The following ASIC2 variants were observed in gnomAD, a reference collection of about 807,000 sequenced individuals.
The protein encoded by ASIC2 is acid sensing ion channel subunit 2.
ASIC2 carries 25 observed loss-of-function variants against 57.3 expected under a neutral mutation model. The ratio of observed to expected loss-of-function variants is 0.44; its 90% CI spans 0.32 to 0.61. The LOEUF (loss-of-function observed/expected upper bound fraction) is 0.61. Ranked by LOEUF, ASIC2 falls within the 20% of genes least tolerant of loss-of-function variation. ASIC2 has a pLI of 0.06. For missense variants in ASIC2, 641 were observed against 738.1 expected (o/e 0.87, Z 1.52); for synonymous variants, 319 against 307.5 (o/e 1.04, Z -0.39).
chr17:33,930,892 GATTT>G (rs987182709), intron 1 of ASIC2, among the ~76,000 whole-genome samples: 13 of 151,844 alleles, frequency 8.6e-5, no homozygotes, highest in African/African-American at 2.4e-4. Context: ...GCCTAGTGCA[GATTT>G]ATTTATTTGT....
intron 1 of ASIC2, among the ~76,000 whole-genome samples, chr17:33,128,016 C>T (rs550411172): frequency 4.6e-5 from 7 of 152,358 alleles, no homozygotes; most frequent in Admixed American, 4.6e-4. Flanking sequence ...TACTTCATAA[C>T]TCTGTGCTTT....
At chr17:33,246,580 C>T (rs1021886825) in intron 1 of ASIC2, among the ~76,000 whole-genome samples, 3 of 152,182 alleles carry the variant, frequency 2.0e-5, no homozygotes, top group Admixed American at 6.5e-5. Context: ...TGCAAGGGCG[C>T]GGCGGGGTTC....
intron 1 of ASIC2, among the ~76,000 whole-genome samples, chr17:33,933,880 G>A (rs1198407607): frequency 2.0e-5 from 3 of 152,218 alleles, no homozygotes; most frequent in Admixed American, 6.5e-5. Flanking sequence ...CCTCAGAGCT[G>A]CAGGAGATTT....
chr17:33,343,785 C>G (rs1344841321), intron 1 of ASIC2, among the ~76,000 whole-genome samples: 2 of 152,210 alleles, frequency 1.3e-5, no homozygotes, highest in African/African-American at 4.8e-5. Flanking sequence ...TCTGGCTCCT[C>G]TCATTATCAC....
At chr17:34,042,378 G>T (rs184584031) in intron 1 of ASIC2, among the ~76,000 whole-genome samples, 1 of 151,912 alleles carries the variant, frequency 6.6e-6, no homozygotes, top group Non-Finnish European at 1.5e-5. Flanking sequence ...CAATAAAAAA[G>T]AACAAATAAT....
At chr17:33,015,772 T>C (rs754285457) in intron 9 of ASIC2, among the ~76,000 whole-genome samples, 199 bp downstream of exon 9, 1 of 152,216 alleles carries the variant, frequency 6.6e-6, no homozygotes, top group African/African-American at 2.4e-5. Flanking sequence ...GCATCCGTAC[T>C]GGCTTCTGGC....
At chr17:34,051,138 A>C (rs1457977529) in intron 1 of ASIC2, among the ~76,000 whole-genome samples, 1 of 152,236 alleles carries the variant, frequency 6.6e-6, no homozygotes, top group Non-Finnish European at 1.5e-5. Context: ...ACAGCAGAGA[A>C]AAAAGAGTGA....
At chr17:34,120,999 C>G (rs1362710427) in intron 1 of ASIC2, among the ~76,000 whole-genome samples, 1 of 152,050 alleles carries the variant, frequency 6.6e-6, no homozygotes, top group African/African-American at 2.4e-5. Flanking sequence ...CTCAGCCTCC[C>G]AAAGTGCTGG....
chr17:33,250,435 G>A (rs140914994), intron 1 of ASIC2, among the ~76,000 whole-genome samples: 70 of 152,292 alleles, frequency 4.6e-4, no homozygotes, highest in East Asian at 3.9e-3. Context: ...GGAAGATCAT[G>A]CCACCAGCTC....
intron 1 of ASIC2, among the ~76,000 whole-genome samples, chr17:34,041,587 A>C (rs1213308403): frequency 6.6e-6 from 1 of 152,170 alleles, no homozygotes. Flanking sequence ...GTGGATATTA[A>C]CTCCTCATAT....
chr17:33,082,049 T>C (rs2092114937), intron 3 of ASIC2, among the ~76,000 whole-genome samples: 3 of 152,108 alleles, frequency 2.0e-5, no homozygotes, highest in African/African-American at 7.2e-5. Flanking sequence ...GTCTAGGTTG[T>C]GGAATGGAAA....
At chr17:33,355,978 G>T (rs565373476) in intron 1 of ASIC2, among the ~76,000 whole-genome samples, 1 of 152,324 alleles carries the variant, frequency 6.6e-6, no homozygotes, top group South Asian at 2.1e-4. Context: ...AGGGGTAGTG[G>T]TCAGGGAAGG....
At chr17:33,245,303 G>C (rs1908651570) in intron 1 of ASIC2, among the ~76,000 whole-genome samples, 1 of 152,164 alleles carries the variant, frequency 6.6e-6, no homozygotes, top group Non-Finnish European at 1.5e-5. Flanking sequence ...CAGGTGCTTG[G>C]GGAGTCCAGA....
chr17:33,088,800 G>A, intron 3 of ASIC2, 63 bp downstream of exon 3: 1 of 1,510,520 alleles, frequency 6.6e-7, no homozygotes, highest in Non-Finnish European at 8.9e-7. Flanking sequence ...TCTCCTCCTT[G>A]TGCCTCTGCA....
rs190301963 is a variant in ASIC2, at chr17:33,566,619, G to T, written c.556-454552C>A. 3.9e-5 allele frequency among the ~76,000 whole-genome samples: 6 copies of T among 152,280 alleles called. No individual in the cohort carries two copies. The East Asian group carries it at 1.2e-3, about 29-fold the overall frequency. ...CTATAGTATATTCCCCCTTACAGCA[G>T]AACAGTCATAGAAGGTTTGCAATGC... On this transcript the variant is annotated intron_variant, in intron 1 of 9. Transcript: ENST00000359872.
intron 1 of ASIC2, among the ~76,000 whole-genome samples, chr17:33,341,924 T>G (rs1285432955): frequency 6.6e-6 from 1 of 152,216 alleles, no homozygotes; most frequent in Non-Finnish European, 1.5e-5. Flanking sequence ...TACCTTAGAC[T>G]GACATCTCTT....
intron 1 of ASIC2, among the ~76,000 whole-genome samples, chr17:33,809,824 G>A (rs955650959): frequency 6.6e-6 from 1 of 152,222 alleles, no homozygotes; most frequent in Non-Finnish European, 1.5e-5. Context: ...ATCCTGCAAA[G>A]TTGAAGGCAT....
intron 1 of ASIC2, among the ~76,000 whole-genome samples, chr17:33,765,184 C>A (rs935143697): frequency 6.6e-6 from 1 of 152,162 alleles, no homozygotes; most frequent in Admixed American, 6.5e-5. Flanking sequence ...TGGCTCACTG[C>A]AAGCTCCGCC....
intron 1 of ASIC2, among the ~76,000 whole-genome samples, chr17:33,140,688 C>G (rs1020950141): frequency 1.3e-5 from 2 of 152,340 alleles, no homozygotes; most frequent in African/African-American, 2.4e-5. Flanking sequence ...ATTTGGGAAG[C>G]CTGGCAGCAA....
Sources: allele counts gnomAD v4.1 joint callset (sites outside exome capture counted in the v4.1 genomes callset), GRCh38; gene constraint gnomAD v4.1.1; transcripts MANE v1.5; gene names NCBI Gene and HGNC (gene_info 2026-07-23, HGNC 2026-07-21).